GPC5: variants seen among roughly 807,000 people sequenced by gnomAD.
GPC5 encodes glypican 5.
In GPC5, 47 loss-of-function variants were observed where a neutral mutation model predicts 53.9. The observed-to-expected ratio is 0.87, with a 90% CI of 0.69 to 1.11. The LOEUF is 1.11. Among genes scored for constraint, GPC5 ranks in the 50% most tolerant of loss-of-function variants. GPC5 has a pLI of 0.00. For synonymous variants in GPC5, 286 were observed against 263.3 expected, an observed-to-expected ratio of 1.09 and a Z score of -0.84; for missense variants, 748 against 713.1, an observed-to-expected ratio of 1.05 and a Z score of -0.56.
At chr13:92,087,523 G>C (rs1177740312) in intron 6 of GPC5, among the ~76,000 whole-genome samples, 2 of 152,040 alleles carry the variant, frequency 1.3e-5, no homozygotes, top group African/African-American at 4.8e-5. Context: ...CACATCTTTT[G>C]TTTTCAGGAA....
intron 3 of GPC5, among the ~76,000 whole-genome samples, chr13:91,706,681 C>G (rs2036113127): frequency 6.6e-6 from 1 of 151,744 alleles, no homozygotes; most frequent in Non-Finnish European, 1.5e-5. Context: ...TAACTGCTCC[C>G]CAAGTAGGGG....
chr13:92,303,199 G>A (rs2043087135), intron 7 of GPC5, among the ~76,000 whole-genome samples: 5 of 152,074 alleles, frequency 3.3e-5, no homozygotes, highest in Admixed American at 3.3e-4. Context: ...GCAGGTAGGG[G>A]CAACAGTGGT....
chr13:92,288,220 GA>G, intron 7 of GPC5, among the ~76,000 whole-genome samples: 1 of 152,152 alleles, frequency 6.6e-6, no homozygotes, highest in East Asian at 1.9e-4. Flanking sequence ...GCAATTAACT[GA>G]AATTGTTTTT....
At chr13:92,207,835 C>T (rs765591367) in intron 7 of GPC5, among the ~76,000 whole-genome samples, 2 of 152,124 alleles carry the variant, frequency 1.3e-5, no homozygotes, top group Non-Finnish European at 2.9e-5. Context: ...TATTATGATG[C>T]GCTTATAGTA....
At chr13:92,278,375 T>A (rs1326664492) in intron 7 of GPC5, among the ~76,000 whole-genome samples, 2 of 152,016 alleles carry the variant, frequency 1.3e-5, no homozygotes, top group Non-Finnish European at 2.9e-5. Flanking sequence ...TACACTCATA[T>A]ATGAATATTT....
chr13:92,368,634 T>TAA (rs34793615), intron 7 of GPC5, among the ~76,000 whole-genome samples: 1,220 of 66,288 alleles, frequency 0.018, 54 homozygotes, highest in Admixed American at 0.054. Context: ...AAGACTGTCT[T>TAA]AAAAAAAAAA....
chr13:92,794,366 T>C (rs1566421651), intron 7 of GPC5, among the ~76,000 whole-genome samples: 1 of 152,118 alleles, frequency 6.6e-6, no homozygotes, highest in Non-Finnish European at 1.5e-5. Flanking sequence ...ATAAACTAGG[T>C]ATTGATGGGA....
chr13:92,021,975 CT>C (rs1174321359), intron 6 of GPC5, among the ~76,000 whole-genome samples: 1 of 151,740 alleles, frequency 6.6e-6, no homozygotes, highest in Non-Finnish European at 1.5e-5. Flanking sequence ...AAAATTTTTG[CT>C]TGTTTTTTGT....
intron 7 of GPC5, among the ~76,000 whole-genome samples, chr13:92,639,972 T>C (rs9561098): frequency 0.31 from 45,657 of 148,362 alleles, 7,590 homozygotes; most frequent in South Asian, 0.47. Flanking sequence ...ATTTTTTTTT[T>C]TCTCTCTCTC....
intron 2 of GPC5, among the ~76,000 whole-genome samples, chr13:91,561,338 C>G (rs2031250097): frequency 1.3e-5 from 2 of 152,078 alleles, no homozygotes; most frequent in South Asian, 2.1e-4. Flanking sequence ...TTAACTCTAC[C>G]CCAATAGCAA....
At chr13:92,627,333 G>A (rs991267656) in intron 7 of GPC5, among the ~76,000 whole-genome samples, 6 of 152,178 alleles carry the variant, frequency 3.9e-5, no homozygotes, top group South Asian at 2.1e-4. Flanking sequence ...ATTACTCAGC[G>A]TGGCAGCTAT....
At position 91,934,019 on chromosome 13, in the gene GPC5, A is replaced by G. The variant is rs113312149; in HGVS notation, c.1401+25962A>G. ...ATATGTCCTCTCAAATACCTGAGCT[A>G]TGCTTCCCTGGGACCCTCTTTTTGA... On this transcript the variant is annotated intron_variant, in intron 6 of 7. Transcript: ENST00000377067. Among the ~76,000 whole-genome samples the G allele has an allele frequency of 2.8e-3, 427 of 151,990 alleles. 1 individual carries two copies. Among genetic ancestry groups the G allele is most frequent in the Non-Finnish European group, 5.0e-3 (341 of 67,880 alleles).
At chr13:92,105,476 A>G (rs2041502694) in intron 6 of GPC5, among the ~76,000 whole-genome samples, 1 of 152,100 alleles carries the variant, frequency 6.6e-6, no homozygotes, top group Non-Finnish European at 1.5e-5. Flanking sequence ...ATTTAGTTCA[A>G]CTTTTGTTTA....
intron 5 of GPC5, among the ~76,000 whole-genome samples, chr13:91,778,285 G>A (rs866070237): frequency 2.6e-5 from 4 of 152,168 alleles, no homozygotes; most frequent in African/African-American, 9.7e-5. Context: ...AAAAGTTTCA[G>A]CTGAGTAGCC....
chr13:92,372,232 T>C (rs777235981), intron 7 of GPC5, among the ~76,000 whole-genome samples: 5 of 152,166 alleles, frequency 3.3e-5, no homozygotes, highest in Non-Finnish European at 7.4e-5. Context: ...AGGCTAAATT[T>C]TTGGTAATTT....
rs957667438 is a variant in GPC5 at position 92,521,461 on chromosome 13, G to A, written c.1562-344821G>A. On this transcript the variant is annotated intron_variant, in intron 7 of 7. Coordinates refer to ENST00000377067, the MANE Select transcript of GPC5 (RefSeq NM_004466.6). ...CCAATGGAACAGAACAGAGGCCTCA[G>A]AGATAATACCACACATCTACAACCA... Among the ~76,000 whole-genome samples the A allele has an allele frequency of 1.2e-4, 18 of 152,286 alleles. 1 individual carries two copies. In the East Asian group the frequency reaches 3.5e-3, roughly 29 times the overall value.
At chr13:91,645,465 G>T (rs924380259) in intron 2 of GPC5, among the ~76,000 whole-genome samples, 1 of 152,092 alleles carries the variant, frequency 6.6e-6, no homozygotes, top group African/African-American at 2.4e-5. Context: ...AATCTCCTCA[G>T]TATAGATCAG....
chr13:91,745,095 T>G (rs997751027), intron 4 of GPC5, among the ~76,000 whole-genome samples: 3 of 152,132 alleles, frequency 2.0e-5, no homozygotes, highest in Admixed American at 1.3e-4. Flanking sequence ...GTTGAAGTCC[T>G]TGTTTAAAGT....
chr13:92,693,559 G>T (rs985790635), intron 7 of GPC5, among the ~76,000 whole-genome samples: 1 of 152,128 alleles, frequency 6.6e-6, no homozygotes, highest in Non-Finnish European at 1.5e-5. Flanking sequence ...ATGGAAATTT[G>T]GACTTGAGAG....
Sources: gnomAD v4.1 joint callset for allele counts (sites outside exome capture counted in the v4.1 genomes callset) on GRCh38, gnomAD v4.1.1 for gene constraint, MANE v1.5 for transcripts, NCBI Gene and HGNC (gene_info 2026-07-23, HGNC 2026-07-21) for gene names.